The following SH2D5 variants were observed in gnomAD, a reference collection of about 807,000 sequenced individuals.
SH2D5 encodes SH2 domain-containing protein 5.
SH2D5 carries 45 observed loss-of-function variants against 48.2 expected under a neutral mutation model. That is an observed-to-expected ratio of 0.93 (90% CI 0.73 to 1.20). SH2D5 has a LOEUF of 1.20. SH2D5 is among the 50% of genes most tolerant of loss of function. The probability of loss-of-function intolerance (pLI) is 0.00; values close to 1 mark genes in which losing one functional copy is unlikely to be tolerated. For missense variants in SH2D5, 538 were observed against 584.1 expected (o/e 0.92, Z 0.81); for synonymous variants, 230 against 249.8 (o/e 0.92, Z 0.75).
rs1000803647 is a variant in SH2D5, at chr1:20,720,074, C to T, written c.*1718G>A. On this transcript the variant is annotated 3_prime_UTR_variant, in exon 10 of 10. Transcript: ENST00000444387. The stretch of plus-strand genomic sequence containing the variant: ...GTCTTCTTAAGTGCCCATCTCTGGG[C>T]TGTAATCCTAGACCCAGGACATGGC... 1 of 152,252 alleles carries T rather than the reference C, an allele frequency of 6.6e-6. No homozygotes were observed. The highest frequency in any genetic ancestry group is 1.5e-5 in the Non-Finnish European group (1 of 68,052). 9.4% of individuals were successfully genotyped at this position (152,252 alleles called of 1,614,324 possible). A position where few individuals can be genotyped will look rare whatever the true frequency, so the allele number is the denominator to read the frequency against.
At chr1:20,726,310 T>C (rs1167320992) in intron 4 of SH2D5, among the ~76,000 whole-genome samples, 1 of 152,006 alleles carries the variant, frequency 6.6e-6, no homozygotes, top group Non-Finnish European at 1.5e-5. Flanking sequence ...TGGAGGCAGG[T>C]GACTGGGGTG....
At chr1:20,722,094 A>C in intron 9 of SH2D5, 99 bp from the exon 10 acceptor site, 1 of 1,148,564 alleles carries the variant, frequency 8.7e-7, no homozygotes, top group Non-Finnish European at 1.2e-6. Flanking sequence ...TTTGGAGAGC[A>C]GGGAACGGAG....
chr1:20,730,876 G>A (rs1200269860), intron 1 of SH2D5: 1 of 152,342 alleles, frequency 6.6e-6, no homozygotes, highest in Non-Finnish European at 1.5e-5. Context: ...GAGACTGGAT[G>A]GGCTGACCTG....
intron 5 of SH2D5, among the ~76,000 whole-genome samples, chr1:20,724,889 A>G (rs1172216230): frequency 6.6e-6 from 1 of 152,226 alleles, no homozygotes; most frequent in Non-Finnish European, 1.5e-5. Context: ...GGAGCAGAGA[A>G]TGGAAGCGTG....
chr1:20,721,885 C>G lies in SH2D5; in HGVS notation c.1179G>C (p.Glu393Asp). Residue 393 changes from glutamate to aspartate, a missense_variant, in exon 10 of 10, where the codon GAG (glutamate) becomes GAC (aspartate). Transcript: ENST00000444387. Reference protein sequence around the residue: ...LDMGRLNPTYEEQDCGPPGRP... With the variant: ...LDMGRLNPTYDEQDCGPPGRP... ...TGCCTGGGGGCCCACAGTCCTGCTC[C>G]TCGTAGGTGGGGTTCAGGCGGCCCA... 3 of 1,613,116 alleles carry G rather than the reference C, an allele frequency of 1.9e-6. No individual in the cohort carries two copies. The highest frequency in any genetic ancestry group is 2.2e-5 in the South Asian group (2 of 91,066).
At position 20,724,398 on chromosome 1, in the gene SH2D5, C is replaced by G. The variant is rs562769813; in HGVS notation, c.628G>C (p.Gly210Arg). ...RLPAEGLVGSGKELPESEGRA... is the reference protein window; with the variant it reads ...RLPAEGLVGSRKELPESEGRA... ...TCCTTGGCTGGGGTGCTGCGTACCCCACTGCCCACCAGCCCCTCTGCTGGC... is the reference window on the plus strand; with the variant it reads ...TCCTTGGCTGGGGTGCTGCGTACCCGACTGCCCACCAGCCCCTCTGCTGGC... The change falls in exon 6 of 10, where the codon GGG (glycine) becomes CGG (arginine). Residue 210 changes from glycine (G) to arginine (R), a missense_variant and splice_region_variant. Coordinates refer to ENST00000444387, the MANE Select transcript of SH2D5 (RefSeq NM_001103161.2). 6.8e-6 allele frequency: 11 copies of G among 1,612,624 alleles called. No individual in the cohort carries two copies. The South Asian group carries it at 1.1e-4, about 16-fold the overall frequency.
chr1:20,731,480 G>C (rs1570515128), intron 1 of SH2D5: 1 of 152,510 alleles, frequency 6.6e-6, no homozygotes, highest in East Asian at 1.9e-4. Flanking sequence ...GGTCCTTCTT[G>C]GAATGTTTCC....
chr1:20,727,010 C>G lies in SH2D5; in HGVS notation c.234G>C (p.Gly78=), dbSNP rs780664287. 1 of 1,611,072 alleles carries G rather than the reference C, an allele frequency of 6.2e-7. No homozygotes were observed. The highest frequency in any genetic ancestry group is 1.3e-5 in the African/African-American group (1 of 74,882). The change falls in exon 4 of 10, where the codon GGG becomes GGC. Residue 78 remains glycine (G), a synonymous_variant. Coordinates refer to ENST00000444387, the MANE Select transcript of SH2D5 (RefSeq NM_001103161.2). ...CCACAGGGGTTCCTACCTCACCCTC[C>G]CCGCTGTAGATCTTGAGACCCTGAA... is the stretch of plus-strand genomic sequence containing the variant. ...FSLQGLKIYS[G]EGEVLLMAHA...
chr1:20,727,637 G>A (rs748114127), intron 2 of SH2D5, 34 bp from the exon 3 acceptor site: 1 of 1,571,492 alleles, frequency 6.4e-7, no homozygotes, highest in Non-Finnish European at 8.7e-7. Flanking sequence ...AGTAAGGCGG[G>A]GAGTCAGGCC....
chr1:20,727,164 T>G, intron 3 of SH2D5, 89 bp from the exon 4 acceptor site: 1 of 1,132,194 alleles, frequency 8.8e-7, no homozygotes, highest in Non-Finnish European at 1.3e-6. Context: ...CAAAGGCTGG[T>G]CAGCCCACTC....
intron 9 of SH2D5, 113 bp downstream of exon 9, chr1:20,722,642 TG>T: frequency 2.7e-6 from 3 of 1,100,844 alleles, no homozygotes; most frequent in South Asian, 4.0e-5. Context: ...GAGACAGGGA[TG>T]GGGGTGAGGC....
chr1:20,727,875 G>T, intron 2 of SH2D5, 83 bp downstream of exon 2: 1 of 1,130,634 alleles, frequency 8.8e-7, no homozygotes, highest in Non-Finnish European at 1.3e-6. Context: ...TAGGTCCTAG[G>T]CCCGCAGCAC....
intron 7 of SH2D5, 79 bp downstream of exon 7, chr1:20,724,004 C>T (rs2054741920): frequency 1.6e-5 from 25 of 1,534,444 alleles, no homozygotes; most frequent in Middle Eastern, 2.4e-4. Context: ...CGGGCACTCA[C>T]GCCCACCTCT....
Position 20,722,741 on chromosome 1 carries a change from C to T in SH2D5, c.1068+15G>A. On this transcript the variant is annotated intron_variant, in intron 9 of 9. Coordinates refer to ENST00000444387, the MANE Select transcript of SH2D5 (RefSeq NM_001103161.2). Reference sequence around the variant, plus strand: ...TGCGGCAGGGCCCAGGCCCCTCTGGCTGCTGCGCTCTTACCTCCAAGCAGT... The same window carrying T: ...TGCGGCAGGGCCCAGGCCCCTCTGGTTGCTGCGCTCTTACCTCCAAGCAGT... The T allele has an allele frequency of 6.9e-7, 1 of 1,452,936 alleles. No homozygotes were observed. The highest frequency in any genetic ancestry group is 9.1e-7 in the Non-Finnish European group (1 of 1,095,638). The allele number at this position is 1,452,936 out of a possible 1,614,324, so 90.0% of individuals were successfully genotyped here.
chr1:20,727,188 AGGGGGTGGGGCCCTGGCT>A (rs2054818134), intron 3 of SH2D5, 113 bp from the exon 4 acceptor site: 1 of 890,850 alleles, frequency 1.1e-6, no homozygotes, highest in African/African-American at 1.7e-5. Flanking sequence ...CACCCCTGGC[AGGGGGTGGGGCCCTGGCT>A]GGTGGACCCC....
chr1:20,722,971 A>G, intron 8 of SH2D5, 56 bp from the exon 9 acceptor site: 1 of 1,428,062 alleles, frequency 7.0e-7, no homozygotes, highest in Non-Finnish European at 9.3e-7. Flanking sequence ...GGCAATGGTC[A>G]TGAGGACCCC....
chr1:20,721,624 C>A lies in SH2D5; in HGVS notation c.*168G>T, dbSNP rs11578911. 5.9e-3 allele frequency: 3,521 copies of A among 598,900 alleles called. 82 individuals carry two copies. The highest frequency in any genetic ancestry group is 0.055 in the African/African-American group (2,929 of 53,680). 37.1% of individuals were successfully genotyped at this position (598,900 alleles called of 1,614,324 possible). A position where few individuals can be genotyped will look rare whatever the true frequency, so the allele number is the denominator to read the frequency against. ...GTTCTCCAAGAAGCCATTGGCGATA[C>A]CCACCCTCAGGGCTCCCCTCCCACG... On this transcript the variant is annotated 3_prime_UTR_variant, in exon 10 of 10. Transcript: ENST00000444387.
rs1432468785 is a variant in SH2D5, at chr1:20,729,332, C to G, written c.-42-1246G>C. ...GTCCTACCCTGGCTGGCTTCACTCA[C>G]CAGCCTGCTTGTCATCACTGACTTG... is the stretch of plus-strand genomic sequence containing the variant. On this transcript the variant is annotated intron_variant, in intron 1 of 9. Transcript: ENST00000444387. The surrounding 1 kb of genome is among the most constrained non-coding windows in gnomAD (Gnocchi z 4.2). Among the ~76,000 whole-genome samples, 5 of 152,202 alleles carry G rather than the reference C, an allele frequency of 3.3e-5. No individual in the cohort carries two copies. The East Asian group carries it at 9.6e-4, about 29-fold the overall frequency.
chr1:20,725,869 G>T, intron 5 of SH2D5, 51 bp downstream of exon 5: 1 of 1,599,592 alleles, frequency 6.3e-7, no homozygotes, highest in Non-Finnish European at 8.5e-7. Context: ...GATGCCTGGC[G>T]CACAGCCCCT....
Sources: allele counts gnomAD v4.1 joint callset (sites outside exome capture counted in the v4.1 genomes callset), GRCh38; gene constraint gnomAD v4.1.1; non-coding constraint Gnocchi (gnomAD v3.1); transcripts MANE v1.5; gene names NCBI Gene and HGNC (gene_info 2026-07-23, HGNC 2026-07-21).